LRP1B: variants seen among roughly 807,000 people sequenced by gnomAD.
LRP1B encodes the protein low-density lipoprotein receptor-related protein 1B.
Under a neutral mutation model 556.6 loss-of-function variants are expected in LRP1B, and 217 were observed. That is an observed-to-expected ratio of 0.39 (90% CI 0.35 to 0.44). LRP1B has a LOEUF of 0.44. LRP1B is among the 20% of genes least tolerant of loss of function. The pLI is 1.00. For synonymous variants in LRP1B, 2,047 were observed against 1,865.8 expected, an observed-to-expected ratio of 1.10 and a Z score of -2.50; for missense variants, 5,053 against 5,620.8, an observed-to-expected ratio of 0.90 and a Z score of 3.23.
intron 2 of LRP1B, among the ~76,000 whole-genome samples, chr2:141,731,507 G>A (rs6752178): frequency 0.02 from 3,105 of 152,146 alleles, 117 homozygotes; most frequent in African/African-American, 0.071. Flanking sequence ...ATATTTTTCC[G>A]AGTCAGCGTA....
chr2:141,269,181 A>G (rs1003979416), intron 3 of LRP1B, among the ~76,000 whole-genome samples: 13 of 152,214 alleles, frequency 8.5e-5, no homozygotes, highest in African/African-American at 3.1e-4. Flanking sequence ...GGAACTGTCA[A>G]AAACAATGAA....
intron 3 of LRP1B, among the ~76,000 whole-genome samples, chr2:141,300,068 GAC>G (rs1171839789): frequency 6.6e-6 from 1 of 152,160 alleles, no homozygotes; most frequent in Non-Finnish European, 1.5e-5. Context: ...CCGTCTTTCT[GAC>G]ACATGAAGAT....
chr2:141,160,584 C>A (rs1487586078), intron 7 of LRP1B, among the ~76,000 whole-genome samples: 1 of 151,906 alleles, frequency 6.6e-6, no homozygotes, highest in African/African-American at 2.4e-5. Flanking sequence ...AAGGAATACA[C>A]CACTGATGTA....
intron 87 of LRP1B, 115 bp from the exon 88 acceptor site, chr2:140,239,647 C>G (rs1206012570): frequency 5.4e-6 from 3 of 560,498 alleles, no homozygotes; most frequent in African/African-American, 2.0e-5. Flanking sequence ...AAAAGCTTAG[C>G]CCAAATGTTT....
At chr2:140,318,006 G>GA (rs1290099391) in intron 82 of LRP1B, among the ~76,000 whole-genome samples, 1 of 151,656 alleles carries the variant, frequency 6.6e-6, no homozygotes, top group Non-Finnish European at 1.5e-5. Context: ...TCAACTATAG[G>GA]AAAAAGCAGG....
At chr2:140,553,618 A>G (rs1167777538) in intron 43 of LRP1B, among the ~76,000 whole-genome samples, 2 of 152,070 alleles carry the variant, frequency 1.3e-5, no homozygotes, top group African/African-American at 4.8e-5. Flanking sequence ...CTTTAGGAAG[A>G]TTGTATCAGT....
intron 79 of LRP1B, among the ~76,000 whole-genome samples, chr2:140,332,426 A>G (rs1456558483): frequency 6.6e-6 from 1 of 152,038 alleles, no homozygotes; most frequent in Non-Finnish European, 1.5e-5. Context: ...AGATCCATGC[A>G]TCTGTCACTG....
At position 140,356,348 on chromosome 2, in the gene LRP1B, A is replaced by C. The variant is rs766940974; in HGVS notation, c.11524T>G (p.Cys3842Gly). The C allele has an allele frequency of 6.2e-7, 1 of 1,610,724 alleles. No individual in the cohort carries two copies. Among genetic ancestry groups the C allele is most frequent in the Non-Finnish European group, 8.5e-7 (1 of 1,177,762 alleles). Reference sequence around the variant, plus strand: ...TTGAAGAAAAGTACTCTACCTTCACATTGTCTGTTTTTCATGTTTCTCTGA... The same window carrying C: ...TTGAAGAAAAGTACTCTACCTTCACCTTGTCTGTTTTTCATGTTTCTCTGA... Reference protein sequence around the residue: ...GFQRNMKNRQCEDLNECLVFG... With the variant: ...GFQRNMKNRQGEDLNECLVFG... Residue 3842 changes from cysteine (C) to glycine (G), a missense_variant, in exon 75 of 91, where the codon TGT (cysteine) becomes GGT (glycine). Coordinates refer to ENST00000389484, the MANE Select transcript of LRP1B (RefSeq NM_018557.3).
chr2:140,448,967 A>C (rs150516872), intron 63 of LRP1B, among the ~76,000 whole-genome samples: 1 of 152,216 alleles, frequency 6.6e-6, no homozygotes, highest in African/African-American at 2.4e-5. Context: ...TGTCTTTCAG[A>C]CATCAGTGCC....
At chr2:141,917,326 C>T (rs901742606) in intron 1 of LRP1B, among the ~76,000 whole-genome samples, 6 of 152,034 alleles carry the variant, frequency 3.9e-5, no homozygotes, top group Non-Finnish European at 8.8e-5. Flanking sequence ...CTGAGAAATG[C>T]CCCCAAACAT....
chr2:140,423,757 T>C (rs1685546397), intron 66 of LRP1B, among the ~76,000 whole-genome samples: 1 of 152,086 alleles, frequency 6.6e-6, no homozygotes, highest in Non-Finnish European at 1.5e-5. Context: ...AAAATATTCC[T>C]AGTATGTACC....
intron 1 of LRP1B, among the ~76,000 whole-genome samples, chr2:142,083,117 C>A (rs1275252598): frequency 6.6e-6 from 1 of 152,060 alleles, no homozygotes; most frequent in East Asian, 1.9e-4. Context: ...GTTCATAGGC[C>A]CATGCGGCAT....
Position 141,423,290 on chromosome 2 carries a change from C to CCTTTTTTTTTTTTTTTTTTTTTTTTTTTT in LRP1B, c.343+57105_343+57106insAAAAAAAAAAAAAAAAAAAAAAAAAAAAG, listed in dbSNP as rs1321976263. On this transcript the variant is annotated intron_variant, in intron 3 of 90. Coordinates refer to ENST00000389484, the MANE Select transcript of LRP1B (RefSeq NM_018557.3). ...CCCTCTCACTAGGCAACAGCCAGAGCTTTTTTTTTTTTTTTTTTTTTTTTT... is the reference window on the plus strand; with the variant it reads ...CCCTCTCACTAGGCAACAGCCAGAGCCTTTTTTTTTTTTTTTTTTTTTTTTTTTTTTTTTTTTTTTTTTTTTTTTTTTTT... Among the ~76,000 whole-genome samples the CCTTTTTTTTTTTTTTTTTTTTTTTTTTTT allele has an allele frequency of 2.9e-5, 2 of 68,376 alleles. 1 individual carries two copies. The highest frequency in any genetic ancestry group is 1.0e-4 in the African/African-American group (2 of 19,412). The allele number at this position is 68,376 out of a possible 152,430, so 44.9% of individuals were successfully genotyped here.
intron 41 of LRP1B, among the ~76,000 whole-genome samples, chr2:140,630,797 G>A (rs985924084): frequency 7.2e-5 from 11 of 152,178 alleles, no homozygotes; most frequent in Admixed American, 7.2e-4. Context: ...AAATGCTGGA[G>A]AAGGGCAATT....
intron 21 of LRP1B, 138 bp downstream of exon 21, chr2:140,922,827 C>G (rs1694778891): frequency 4.9e-6 from 3 of 613,614 alleles, no homozygotes; most frequent in Non-Finnish European, 8.3e-6. Flanking sequence ...TAAATGTTAA[C>G]TACTATTATT....
At chr2:140,535,135 A>C (rs1299067045) in intron 46 of LRP1B, among the ~76,000 whole-genome samples, 2 of 152,170 alleles carry the variant, frequency 1.3e-5, no homozygotes, top group Non-Finnish European at 2.9e-5. Flanking sequence ...TGTGACAGAA[A>C]GCATATATGA....
chr2:142,055,233 T>TATAGAGAAGAACAG (rs1229390567), intron 1 of LRP1B, among the ~76,000 whole-genome samples: 10 of 152,030 alleles, frequency 6.6e-5, no homozygotes, highest in Non-Finnish European at 1.0e-4. Flanking sequence ...AGAGTGTGGA[T>TATAGAGAAGAACAG]ATAGAGAAGA....
Position 140,541,902 on chromosome 2 carries a change from C to A in LRP1B, c.7264G>T (p.Asp2422Tyr), listed in dbSNP as rs2105020796. 6.2e-7 allele frequency: 1 copy of A among 1,612,650 alleles called. No individual in the cohort carries two copies. Among genetic ancestry groups the A allele is most frequent in the Non-Finnish European group, 8.5e-7 (1 of 1,179,112 alleles). The change falls in exon 44 of 91, where the codon GAC becomes TAC. Residue 2422 changes from aspartate to tyrosine, a missense_variant. This residue lies in a region of LRP1B where 3,619 missense variants were observed against 3,931.9 expected (regional missense o/e 0.92). Transcript: ENST00000389484. ...CGCAGTATAGCTCTTCTTCCCCAGT[C>A]CGACCAGAATATATAATTGTCATAA... ...AVYDNYIFWS[D>Y]WGRRAILRSN... is the part of the protein sequence containing the mutation.
chr2:141,763,006 T>C (rs924714411), intron 2 of LRP1B, among the ~76,000 whole-genome samples: 2 of 152,204 alleles, frequency 1.3e-5, no homozygotes, highest in African/African-American at 4.8e-5. Flanking sequence ...TAGGTGCAAG[T>C]TGTAAAGCAA....
Sources: gnomAD v4.1 joint callset for allele counts (sites outside exome capture counted in the v4.1 genomes callset) on GRCh38, gnomAD v4.1.1 for gene constraint, gnomAD v4.1.1 regional missense constraint, MANE v1.5 for transcripts, NCBI Gene and HGNC (gene_info 2026-07-23, HGNC 2026-07-21) for gene names.